The following RXFP1 variants were observed in gnomAD, a reference collection of about 807,000 sequenced individuals.
RXFP1 encodes the protein relaxin receptor 1.
A neutral mutation model predicts 89.8 loss-of-function variants in RXFP1; 73 were observed. The ratio of observed to expected loss-of-function variants is 0.81; its 90% CI spans 0.67 to 0.99. RXFP1 has a LOEUF of 0.99. Ranked by LOEUF, RXFP1 falls within the 50% of genes least tolerant of loss-of-function variation. RXFP1 has a pLI of 0.00. For missense variants in RXFP1, 793 were observed against 895.5 expected (o/e 0.89, Z 1.46); for synonymous variants, 277 against 305.5 (o/e 0.91, Z 0.97).
intron 1 of RXFP1, among the ~76,000 whole-genome samples, chr4:158,527,564 A>ATATATATATATATATATATATATAT (rs1553989393): frequency 1.3e-4 from 13 of 98,322 alleles, no homozygotes; most frequent in African/African-American, 4.6e-4. Flanking sequence ...AAAAAAAAAA[A>ATATATATATATATATATATATATAT]ATATATATAT....
At chr4:158,546,808 C>G (rs1748559854) in intron 1 of RXFP1, among the ~76,000 whole-genome samples, 1 of 151,822 alleles carries the variant, frequency 6.6e-6, no homozygotes, top group Non-Finnish European at 1.5e-5. Flanking sequence ...CCCACTTGAT[C>G]ATGGTGGATA....
intron 4 of RXFP1, among the ~76,000 whole-genome samples, chr4:158,603,628 A>G: frequency 6.6e-6 from 1 of 151,796 alleles, no homozygotes; most frequent in East Asian, 1.9e-4. Context: ...GCAGTGGCTC[A>G]CGCCTGTAAT....
At chr4:158,572,041 C>T (rs1369931427) in intron 1 of RXFP1, among the ~76,000 whole-genome samples, 1 of 152,174 alleles carries the variant, frequency 6.6e-6, no homozygotes, top group Non-Finnish European at 1.5e-5. Flanking sequence ...AAATGACACA[C>T]CTGGTGAAAC....
At chr4:158,644,012 C>T (rs570100963) in intron 14 of RXFP1, among the ~76,000 whole-genome samples, 1 of 145,100 alleles carries the variant, frequency 6.9e-6, no homozygotes, top group East Asian at 2.1e-4. Context: ...AACATTTTTT[C>T]AAGCATAGGT....
At chr4:158,587,337 A>G (rs954330949) in intron 2 of RXFP1, among the ~76,000 whole-genome samples, 64 of 152,370 alleles carry the variant, frequency 4.2e-4, no homozygotes, top group African/African-American at 1.5e-3. Context: ...ATAACCACTC[A>G]TAACACTACT....
intron 8 of RXFP1, among the ~76,000 whole-genome samples, chr4:158,613,833 G>T (rs1764007551): frequency 6.6e-6 from 1 of 152,156 alleles, no homozygotes; most frequent in Admixed American, 6.5e-5. Context: ...GTTTTTAATT[G>T]ACTTTGCCCA....
At chr4:158,608,877 GA>G (rs1164226327) in intron 6 of RXFP1, among the ~76,000 whole-genome samples, 6 of 152,144 alleles carry the variant, frequency 3.9e-5, no homozygotes, top group African/African-American at 1.4e-4. Flanking sequence ...CTCATATAAG[GA>G]GAATCATAAA....
At chr4:158,544,238 T>C in intron 1 of RXFP1, 18 of 985,318 alleles carry the variant, frequency 1.8e-5, no homozygotes, top group Non-Finnish European at 2.2e-5. Context: ...TGTTGAGAAA[T>C]ATGTCTATTT....
intron 1 of RXFP1, among the ~76,000 whole-genome samples, chr4:158,540,109 T>C (rs772548655): frequency 1.3e-5 from 2 of 152,090 alleles, no homozygotes; most frequent in Non-Finnish European, 2.9e-5. Flanking sequence ...GACCCCAATA[T>C]AGGGTTCTTG....
rs778225561 is a variant in RXFP1, at chr4:158,612,447, T to A, written c.680+85T>A. The stretch of plus-strand genomic sequence containing the variant: ...TGCTTAAATTTAATACCATTAAATT[T>A]GGATTTGTTAAAACCCCAAAGAGGC... On this transcript the variant is annotated intron_variant, in intron 8 of 17. Coordinates refer to ENST00000307765, the MANE Select transcript of RXFP1 (RefSeq NM_021634.4). 5.9e-5 allele frequency: 60 copies of A among 1,019,224 alleles called. 1 individual carries two copies. Among genetic ancestry groups the A allele is most frequent in the Non-Finnish European group, 8.6e-5 (60 of 694,532 alleles). 63.1% of individuals were successfully genotyped at this position (1,019,224 alleles called of 1,614,324 possible).
At chr4:158,595,449 C>T (rs72963757) in intron 3 of RXFP1, among the ~76,000 whole-genome samples, 6,087 of 152,126 alleles carry the variant, frequency 0.04, 376 homozygotes, top group African/African-American at 0.14. Context: ...ATATCCTTTT[C>T]GTAAAACCAT....
intron 1 of RXFP1, among the ~76,000 whole-genome samples, chr4:158,556,401 C>CA (rs1751319655): frequency 1.3e-5 from 2 of 151,950 alleles, no homozygotes; most frequent in African/African-American, 4.8e-5. Context: ...TGGCTATTAT[C>CA]AAAAAACCAG....
At chr4:158,637,966 A>G in intron 12 of RXFP1, 42 bp from the exon 13 acceptor site, 1 of 1,189,664 alleles carries the variant, frequency 8.4e-7, no homozygotes, top group Non-Finnish European at 1.3e-6. Flanking sequence ...TTACTCATGT[A>G]GTTTTTAGAA....
chr4:158,619,331 C>T (rs1580118963), intron 9 of RXFP1, among the ~76,000 whole-genome samples: 10 of 152,104 alleles, frequency 6.6e-5, no homozygotes. Flanking sequence ...TTTTGTGGAG[C>T]CCATCAGTAG....
intron 10 of RXFP1, among the ~76,000 whole-genome samples, chr4:158,627,512 TGTG>T (rs1767115715): frequency 1.9e-5 from 2 of 104,558 alleles, no homozygotes; most frequent in African/African-American, 1.1e-4. Flanking sequence ...AGGGTGTGTG[TGTG>T]TGTGTGTGTG....
chr4:158,589,962 G>A (rs1008587340), intron 2 of RXFP1, among the ~76,000 whole-genome samples: 1 of 152,018 alleles, frequency 6.6e-6, no homozygotes, highest in Non-Finnish European at 1.5e-5. Flanking sequence ...TGAGGTGAGA[G>A]GATCCCTTGA....
chr4:158,532,855 G>A (rs181815405), intron 1 of RXFP1, among the ~76,000 whole-genome samples: 1 of 152,292 alleles, frequency 6.6e-6, no homozygotes, highest in Non-Finnish European at 1.5e-5. Flanking sequence ...TCAAGACCCT[G>A]CTTCTCCTAG....
intron 5 of RXFP1, 74 bp from the exon 6 acceptor site, chr4:158,607,898 C>A: frequency 1.1e-6 from 1 of 934,618 alleles, no homozygotes; most frequent in Non-Finnish European, 1.7e-6. Flanking sequence ...ATCATCCATC[C>A]ACAGAATTCT....
chr4:158,571,432 C>T (rs992940165), intron 1 of RXFP1, among the ~76,000 whole-genome samples: 14 of 152,076 alleles, frequency 9.2e-5, no homozygotes, highest in South Asian at 2.1e-4. Flanking sequence ...TTTGGGAGGC[C>T]GAGATGGGCG....
Sources: gnomAD v4.1 joint callset for allele counts (sites outside exome capture counted in the v4.1 genomes callset) on GRCh38, gnomAD v4.1.1 for gene constraint, MANE v1.5 for transcripts, NCBI Gene and HGNC (gene_info 2026-07-23, HGNC 2026-07-21) for gene names.